The following ATP10A variants were observed in gnomAD, a reference collection of about 807,000 sequenced individuals.
The protein encoded by ATP10A is phospholipid-transporting ATPase VA.
In ATP10A, 111 loss-of-function variants were observed where a neutral mutation model predicts 147.8. The ratio of observed to expected loss-of-function variants is 0.75; its 90% CI spans 0.64 to 0.88. The LOEUF is 0.88. ATP10A is among the 40% of genes least tolerant of loss of function. The pLI is 0.00. For synonymous variants in ATP10A, 875 were observed against 841.6 expected (o/e 1.04, Z -0.69); for missense variants, 1,927 against 1,959.0 (o/e 0.98, Z 0.31).
intron 1 of ATP10A, among the ~76,000 whole-genome samples, chr15:25,793,292 A>G (rs910171673): frequency 2.6e-5 from 4 of 152,212 alleles, no homozygotes; most frequent in Non-Finnish European, 5.9e-5. Context: ...GAGAATGAGC[A>G]CTGCAATCAT....
intron 1 of ATP10A, among the ~76,000 whole-genome samples, chr15:25,816,253 G>A (rs531973055): frequency 6.7e-6 from 1 of 149,846 alleles, no homozygotes; most frequent in Non-Finnish European, 1.5e-5. Context: ...TTTTTGATGA[G>A]GGGTCTCACT....
chr15:25,688,042 G>A, intron 15 of ATP10A: 1 of 605,122 alleles, frequency 1.7e-6, no homozygotes, highest in Non-Finnish European at 3.0e-6. Flanking sequence ...CTAGTTCAGG[G>A]ATGTCACCTT....
At chr15:25,712,466 G>C (rs924009810) in intron 10 of ATP10A, among the ~76,000 whole-genome samples, 4 of 152,160 alleles carry the variant, frequency 2.6e-5, no homozygotes, top group African/African-American at 9.7e-5. Context: ...GACATCACCC[G>C]TCATGCTGTG....
intron 1 of ATP10A, among the ~76,000 whole-genome samples, chr15:25,829,776 G>A (rs533163662): frequency 3.9e-5 from 6 of 152,138 alleles, no homozygotes; most frequent in Non-Finnish European, 7.3e-5. Context: ...AGGCCAAGGC[G>A]TAGTGGGATG....
chr15:25,683,764 G>C (rs1192054062), intron 16 of ATP10A: 1 of 487,540 alleles, frequency 2.1e-6, no homozygotes, highest in Non-Finnish European at 3.7e-6. Context: ...TGAGATTTTT[G>C]TGCTTGACAA....
chr15:25,821,636 A>G (rs964590429), intron 1 of ATP10A, among the ~76,000 whole-genome samples: 2 of 152,280 alleles, frequency 1.3e-5, no homozygotes, highest in East Asian at 3.9e-4. Flanking sequence ...AGAGTGCACA[A>G]ATTTGTCTAC....
chr15:25,797,202 G>C (rs187142758), intron 1 of ATP10A, among the ~76,000 whole-genome samples: 2 of 152,102 alleles, frequency 1.3e-5, no homozygotes, highest in African/African-American at 4.8e-5. Context: ...CCACGCGTAC[G>C]GGAGATCATG....
At position 25,721,751 on chromosome 15, in the gene ATP10A, G is replaced by A. The variant is rs770891959; in HGVS notation, c.1269C>T (p.Tyr423=). 4.5e-5 allele frequency: 72 copies of A among 1,614,064 alleles called. 1 individual carries two copies. The South Asian group carries it at 7.5e-4, about 17-fold the overall frequency. ...NITEDLGQIQ[Y]IFSDKTGTLT... ...AAGTGCCAGTTTTATCTGAGAAAAT[G>A]TACTGTATCTGTCCTAAGTCTTCCG... The change falls in exon 7 of 21, where the codon TAC becomes TAT. Residue 423 remains tyrosine (Y), a synonymous_variant. Transcript: ENST00000555815.
chr15:25,851,475 C>T (rs1797663635), intron 1 of ATP10A, among the ~76,000 whole-genome samples: 1 of 152,130 alleles, frequency 6.6e-6, no homozygotes, highest in African/African-American at 2.4e-5. Context: ...AACAAACCTT[C>T]CCCCTAAAAG....
At chr15:25,862,102 AG>A (rs1893786905) in intron 1 of ATP10A, 2 of 347,200 alleles carry the variant, frequency 5.8e-6, no homozygotes, top group South Asian at 4.1e-5. Flanking sequence ...CTCACAGTGG[AG>A]GATGGACACT....
At chr15:25,836,314 T>C (rs1892593064) in intron 1 of ATP10A, among the ~76,000 whole-genome samples, 1 of 152,158 alleles carries the variant, frequency 6.6e-6, no homozygotes, top group African/African-American at 2.4e-5. Flanking sequence ...GCTATATAAC[T>C]TCAACTCTCT....
intron 13 of ATP10A, among the ~76,000 whole-genome samples, chr15:25,695,627 T>C (rs1900291633): frequency 6.6e-6 from 1 of 151,992 alleles, no homozygotes; most frequent in African/African-American, 2.4e-5. Context: ...AGACTCTGTC[T>C]CAAAAAAAAG....
At chr15:25,783,252 C>T (rs1405147088) in intron 1 of ATP10A, among the ~76,000 whole-genome samples, 1 of 152,102 alleles carries the variant, frequency 6.6e-6, no homozygotes, top group Non-Finnish European at 1.5e-5. Flanking sequence ...TCATGTTTAC[C>T]ATAACCATCT....
At chr15:25,753,154 A>G (rs1888239656) in intron 2 of ATP10A, among the ~76,000 whole-genome samples, 1 of 152,130 alleles carries the variant, frequency 6.6e-6, no homozygotes, top group African/African-American at 2.4e-5. Flanking sequence ...ATTACTAACT[A>G]TATTCAGCAC....
rs3816292 is a variant in ATP10A at position 25,862,063 on chromosome 15, C to T, written c.449+585G>A. On this transcript the variant is annotated intron_variant, in intron 1 of 20. Coordinates refer to ENST00000555815, the MANE Select transcript of ATP10A (RefSeq NM_024490.4). ...ATGAAGAAAATTAGGCAGGCAGCTACCGGGCGGTGCCTGGCTCGCGGCTCA... is the reference window on the plus strand; with the variant it reads ...ATGAAGAAAATTAGGCAGGCAGCTATCGGGCGGTGCCTGGCTCGCGGCTCA... 330 of 332,208 alleles carry T rather than the reference C, an allele frequency of 9.9e-4. 2 individuals carry two copies. The East Asian group carries it at 0.022, about 22-fold the overall frequency. 20.6% of individuals were successfully genotyped at this position (332,208 alleles called of 1,614,324 possible).
intron 2 of ATP10A, among the ~76,000 whole-genome samples, chr15:25,760,822 GT>G (rs1013468927): frequency 1.3e-5 from 2 of 152,136 alleles, no homozygotes; most frequent in African/African-American, 4.8e-5. Flanking sequence ...CTCCGGCCTG[GT>G]GACTGAAACA....
At chr15:25,722,396 C>T (rs1902299668) in intron 6 of ATP10A, among the ~76,000 whole-genome samples, 1 of 152,220 alleles carries the variant, frequency 6.6e-6, no homozygotes, top group Non-Finnish European at 1.5e-5. Flanking sequence ...TTTTCAGATG[C>T]TGGCCTTGTG....
intron 1 of ATP10A, among the ~76,000 whole-genome samples, chr15:25,820,414 A>C (rs936569268): frequency 6.6e-6 from 1 of 152,240 alleles, no homozygotes; most frequent in Non-Finnish European, 1.5e-5. Flanking sequence ...ACCGTGTCTT[A>C]AACAGAAACA....
intron 1 of ATP10A, among the ~76,000 whole-genome samples, chr15:25,794,108 C>G (rs945904452): frequency 5.3e-5 from 8 of 152,196 alleles, no homozygotes; most frequent in Non-Finnish European, 8.8e-5. Context: ...TATAAGGTCC[C>G]TCTCTCTCAT....
Sources: gnomAD v4.1 joint callset for allele counts (sites outside exome capture counted in the v4.1 genomes callset) on GRCh38, gnomAD v4.1.1 for gene constraint, MANE v1.5 for transcripts, NCBI Gene and HGNC (gene_info 2026-07-23, HGNC 2026-07-21) for gene names.